The following DENND4C variants were observed in gnomAD, a reference collection of about 807,000 sequenced individuals.
The protein encoded by DENND4C is DENN domain-containing protein 4C.
A neutral mutation model predicts 203.0 loss-of-function variants in DENND4C; 108 were observed. The ratio of observed to expected loss-of-function variants is 0.53; its 90% CI spans 0.46 to 0.62. The LOEUF (loss-of-function observed/expected upper bound fraction) is 0.62, where lower values mean the gene tolerates loss of function less well. DENND4C is among the 20% of genes least tolerant of loss of function. DENND4C has a pLI of 0.00. For missense variants in DENND4C, 2,481 were observed against 2,301.2 expected (o/e 1.08, Z -1.60); for synonymous variants, 871 against 792.4 (o/e 1.10, Z -1.67).
intron 1 of DENND4C, among the ~76,000 whole-genome samples, chr9:19,237,320 A>G (rs1271555130): frequency 6.6e-6 from 1 of 151,438 alleles, no homozygotes; most frequent in Non-Finnish European, 1.5e-5. Flanking sequence ...CGCCCGGCCG[A>G]CAGCTTTTAG....
Position 19,326,202 on chromosome 9 carries a change from G to A in DENND4C, c.2120+8G>A, listed in dbSNP as rs1455113076. On this transcript the variant is annotated splice_region_variant and intron_variant, in intron 15 of 32. Transcript: ENST00000434457. The stretch of plus-strand genomic sequence containing the variant: ...CCTGTCACCAAAGTACAGGTAGTAG[G>A]AAGTTTTAAAAGAGCTTAATGGCAC... 6.2e-7 allele frequency: 1 copy of A among 1,600,864 alleles called. No individual in the cohort carries two copies. Among genetic ancestry groups the A allele is most frequent in the Non-Finnish European group, 8.5e-7 (1 of 1,176,766 alleles).
At chr9:19,367,462 G>A (rs1013945518) in intron 30 of DENND4C, among the ~76,000 whole-genome samples, 4 of 152,380 alleles carry the variant, frequency 2.6e-5, no homozygotes, top group Admixed American at 6.5e-5. Context: ...AGGGCTGAGC[G>A]CAGTGGCGCA....
intron 1 of DENND4C, among the ~76,000 whole-genome samples, chr9:19,234,211 T>C (rs1245597345): frequency 6.6e-6 from 1 of 152,146 alleles, no homozygotes; most frequent in Non-Finnish European, 1.5e-5. Flanking sequence ...AATTCCACTT[T>C]CTTACTCTGA....
rs922888944 is a variant in DENND4C at position 19,371,703 on chromosome 9, C to G, written c.5676-53C>G. ...GTCTTCACCATTAAAAAAAATGCAT[C>G]TGTGTTTTTATGCTATTTGCCCATT... On this transcript the variant is annotated intron_variant, in intron 31 of 32. Coordinates refer to ENST00000434457, the MANE Select transcript of DENND4C (RefSeq NM_001330640.2). 31 of 910,296 alleles carry G rather than the reference C, an allele frequency of 3.4e-5. No individual in the cohort carries two copies. In the African/African-American group the frequency reaches 4.4e-4, roughly 13 times the overall value. The allele number at this position is 910,296 out of a possible 1,614,324, so 56.4% of individuals were successfully genotyped here.
intron 12 of DENND4C, among the ~76,000 whole-genome samples, chr9:19,320,480 T>G (rs1050347943): frequency 6.6e-6 from 1 of 152,254 alleles, no homozygotes; most frequent in African/African-American, 2.4e-5. Flanking sequence ...ATTACAGGCG[T>G]GAGCCACTGC....
At chr9:19,354,549 CTTTTTTTT>C (rs66823332) in intron 26 of DENND4C, among the ~76,000 whole-genome samples, 2 of 87,294 alleles carry the variant, frequency 2.3e-5, no homozygotes, top group African/African-American at 9.3e-5. Context: ...TTATTCTAGC[CTTTTTTTT>C]TTTTTTTTTT....
At chr9:19,296,363 ACTT>A in intron 6 of DENND4C, 117 bp downstream of exon 6, 2 of 642,010 alleles carry the variant, frequency 3.1e-6, no homozygotes, top group African/African-American at 1.9e-5. Context: ...ATTTAACTGA[ACTT>A]TTTTTTTTTT....
intron 4 of DENND4C, among the ~76,000 whole-genome samples, chr9:19,289,166 G>A (rs528752360): frequency 6.6e-6 from 1 of 152,180 alleles, no homozygotes; most frequent in Non-Finnish European, 1.5e-5. Flanking sequence ...AAACTTTTCT[G>A]CCATGAAGTG....
In DENND4C at chr9:19,350,849, G is replaced by A; in HGVS notation, c.4465G>A (p.Gly1489Arg). Residue 1489 changes from glycine to arginine, a missense_variant, in exon 24 of 33, where the codon GGA becomes AGA. Coordinates refer to ENST00000434457, the MANE Select transcript of DENND4C (RefSeq NM_001330640.2). ...AAGTCTTGGCAGTAGCAGCAGTAGT[G>A]GAGATGTAGGAAAACTGCATTATCC... ...NTSLGSSSSS[G>R]DVGKLHYPTG... 7 of 1,613,894 alleles carry A rather than the reference G, an allele frequency of 4.3e-6. No individual in the cohort carries two copies. In the South Asian group the frequency reaches 5.5e-5, roughly 13 times the overall value.
intron 2 of DENND4C, among the ~76,000 whole-genome samples, chr9:19,276,943 G>A (rs16937428): frequency 0.044 from 6,650 of 151,732 alleles, 290 homozygotes; most frequent in African/African-American, 0.11. Flanking sequence ...TGGGAGGAGG[G>A]TGTTTACAGA....
At position 19,357,160 on chromosome 9, in the gene DENND4C, A is replaced by G; in HGVS notation, c.4964+6A>G. On this transcript the variant is annotated splice_donor_region_variant and intron_variant, in intron 27 of 32. Transcript: ENST00000434457. Reference sequence around the variant, plus strand: ...GGCTCTGCAGTTGAACCAAGGTATCAAAGGGTACAGAGACCTCTTTATGTA... The same window carrying G: ...GGCTCTGCAGTTGAACCAAGGTATCGAAGGGTACAGAGACCTCTTTATGTA... The G allele has an allele frequency of 6.2e-7, 1 of 1,613,764 alleles. No homozygotes were observed. The highest frequency in any genetic ancestry group is 1.1e-5 in the South Asian group (1 of 91,074).
In DENND4C at chr9:19,251,218, A is replaced by G. The variant is rs183472886; in HGVS notation, c.-18+20385A>G. ...TGACTTCTGTGCACTCACAGGCTTA[A>G]CATCATGTGGAAGCTTCCAAGGCTT... On this transcript the variant is annotated intron_variant, in intron 1 of 32. Coordinates refer to ENST00000434457, the MANE Select transcript of DENND4C (RefSeq NM_001330640.2). 8.5e-5 allele frequency among the ~76,000 whole-genome samples: 13 copies of G among 152,352 alleles called. No homozygotes were observed. The South Asian group carries it at 1.4e-3, about 17-fold the overall frequency.
chr9:19,232,038 A>G (rs556566804), intron 1 of DENND4C, among the ~76,000 whole-genome samples: 1 of 152,324 alleles, frequency 6.6e-6, no homozygotes, highest in East Asian at 1.9e-4. Flanking sequence ...CGATAAGAGC[A>G]ATATTAGTTG....
At position 19,290,820 on chromosome 9, in the gene DENND4C, A is replaced by G; in HGVS notation, c.745A>G (p.Lys249Glu). The G allele has an allele frequency of 6.2e-7, 1 of 1,613,660 alleles. No individual in the cohort carries two copies. The highest frequency in any genetic ancestry group is 8.5e-7 in the Non-Finnish European group (1 of 1,179,774). The change falls in exon 5 of 33, where the codon AAA (lysine) becomes GAA (glutamate). Residue 249 changes from lysine (K) to glutamate (E), a missense_variant. Coordinates refer to ENST00000434457, the MANE Select transcript of DENND4C (RefSeq NM_001330640.2). Reference protein sequence around the residue: ...ATIECWDPETKYPLPVFSTFV... With the variant: ...ATIECWDPETEYPLPVFSTFV... ...TATTGAGTGCTGGGATCCTGAAACC[A>G]AATATCCACTTCCAGTTTTTTCAAC...
intron 1 of DENND4C, among the ~76,000 whole-genome samples, chr9:19,234,255 G>A (rs942059725): frequency 4.0e-5 from 6 of 149,814 alleles, no homozygotes; most frequent in Non-Finnish European, 5.9e-5. Flanking sequence ...TTTTGAGACC[G>A]AGTCTCGCTC....
chr9:19,262,525 A>T (rs1829637946), intron 1 of DENND4C, among the ~76,000 whole-genome samples: 1 of 150,380 alleles, frequency 6.6e-6, no homozygotes, highest in Non-Finnish European at 1.5e-5. Flanking sequence ...CCCACCTCCC[A>T]GGTTCACATG....
chr9:19,257,788 A>G (rs1239101209), intron 1 of DENND4C, among the ~76,000 whole-genome samples: 2 of 152,206 alleles, frequency 1.3e-5, no homozygotes, highest in Non-Finnish European at 2.9e-5. Context: ...GACAACTTAG[A>G]TGGAATGACA....
At chr9:19,299,434 A>G in intron 8 of DENND4C, 147 bp downstream of exon 8, 1 of 542,268 alleles carries the variant, frequency 1.8e-6, no homozygotes, top group African/African-American at 2.0e-5. Context: ...AATAGCCTTA[A>G]TGTTTCTGAC....
chr9:19,287,142 T>G (rs937650849), intron 3 of DENND4C, 121 bp downstream of exon 3: 78 of 913,518 alleles, frequency 8.5e-5, no homozygotes, highest in Middle Eastern at 7.7e-4. Context: ...TTGTTTTTAT[T>G]TTTCCTAATT....
Sources: gnomAD v4.1 joint callset for allele counts (sites outside exome capture counted in the v4.1 genomes callset) on GRCh38, gnomAD v4.1.1 for gene constraint, MANE v1.5 for transcripts, NCBI Gene and HGNC (gene_info 2026-07-23, HGNC 2026-07-21) for gene names.